The following CLSTN2 variants were observed in gnomAD, a reference collection of about 807,000 sequenced individuals.
CLSTN2 encodes the protein calsyntenin-2.
CLSTN2 carries 48 observed loss-of-function variants against 101.2 expected under a neutral mutation model. The ratio of observed to expected loss-of-function variants is 0.47; its 90% CI spans 0.38 to 0.60. The LOEUF (loss-of-function observed/expected upper bound fraction) is 0.60, where lower values mean the gene tolerates loss of function less well. CLSTN2 is among the 20% of genes least tolerant of loss of function. The probability of loss-of-function intolerance (pLI) is 0.00; values close to 1 mark genes in which losing one functional copy is unlikely to be tolerated. For missense variants in CLSTN2, 1,160 were observed against 1,238.2 expected (o/e 0.94, Z 0.95); for synonymous variants, 481 against 463.6 (o/e 1.04, Z -0.48).
chr3:140,427,984 C>T (rs1055857350), intron 5 of CLSTN2, among the ~76,000 whole-genome samples: 8 of 152,120 alleles, frequency 5.3e-5, no homozygotes, highest in African/African-American at 1.9e-4. Context: ...TTGTGGACCA[C>T]AGCACTGCAG....
chr3:140,321,011 T>C (rs1176419371), intron 2 of CLSTN2, among the ~76,000 whole-genome samples: 1 of 152,154 alleles, frequency 6.6e-6, no homozygotes. Flanking sequence ...ATACAAAGGA[T>C]GTGCTGGGAG....
intron 2 of CLSTN2, among the ~76,000 whole-genome samples, chr3:140,229,844 C>T (rs1005448417): frequency 7.9e-5 from 12 of 152,192 alleles, no homozygotes; most frequent in African/African-American, 2.4e-4. Context: ...AGGTTCCTTC[C>T]TGCCCTAAGG....
intron 2 of CLSTN2, among the ~76,000 whole-genome samples, chr3:140,353,921 C>T (rs1242698363): frequency 6.6e-6 from 1 of 152,180 alleles, no homozygotes; most frequent in East Asian, 1.9e-4. Flanking sequence ...GCTGAGGTCA[C>T]ATCAGACCAT....
intron 9 of CLSTN2, among the ~76,000 whole-genome samples, chr3:140,542,707 G>A (rs1028625092): frequency 2.0e-5 from 3 of 152,118 alleles, no homozygotes; most frequent in African/African-American, 7.2e-5. Flanking sequence ...TGATATTCTT[G>A]AGTCAAAAAT....
intron 1 of CLSTN2, among the ~76,000 whole-genome samples, chr3:140,070,720 G>A (rs889302960): frequency 6.6e-6 from 1 of 152,114 alleles, no homozygotes; most frequent in Non-Finnish European, 1.5e-5. Flanking sequence ...TTTCCAAAAT[G>A]ATACTATGGC....
intron 9 of CLSTN2, among the ~76,000 whole-genome samples, chr3:140,543,760 A>G (rs2107785414): frequency 6.6e-6 from 1 of 152,356 alleles, no homozygotes; most frequent in South Asian, 2.1e-4. Context: ...AAACTTTCAG[A>G]AGAGAAAAAA....
At chr3:139,943,742 T>C (rs889677125) in intron 1 of CLSTN2, among the ~76,000 whole-genome samples, 16 of 152,178 alleles carry the variant, frequency 1.1e-4, no homozygotes, top group Non-Finnish European at 1.6e-4. Flanking sequence ...CGTCTCAGTT[T>C]TAGGGTGGGT....
intron 2 of CLSTN2, among the ~76,000 whole-genome samples, chr3:140,198,829 G>T (rs2010682217): frequency 6.6e-6 from 1 of 152,136 alleles, no homozygotes; most frequent in Admixed American, 6.5e-5. Flanking sequence ...TAGCCTGTGG[G>T]TTGTGGCCTG....
intron 5 of CLSTN2, among the ~76,000 whole-genome samples, chr3:140,433,899 A>G (rs952868447): frequency 6.6e-6 from 1 of 152,100 alleles, no homozygotes; most frequent in African/African-American, 2.4e-5. Context: ...CTCAGCCTCA[A>G]TTGTCTCCAT....
At chr3:139,984,072 C>A (rs115805144) in intron 1 of CLSTN2, among the ~76,000 whole-genome samples, 437 of 152,248 alleles carry the variant, frequency 2.9e-3, no homozygotes, top group African/African-American at 0.01. Flanking sequence ...CTTTAATCAG[C>A]TAAGCAATGG....
At chr3:140,431,408 G>A (rs1366378119) in intron 5 of CLSTN2, among the ~76,000 whole-genome samples, 1 of 152,132 alleles carries the variant, frequency 6.6e-6, no homozygotes, top group East Asian at 1.9e-4. Context: ...AGGGCAGGAA[G>A]ACTCTACCTT....
rs532388197 is a variant in CLSTN2, at chr3:140,143,486, T to G, written c.110-32465T>G. ...GCCTGTCCACATTGTTGAGAGCAGATTTTCTTTATTCAGTATACTGATTCA... is the reference window on the plus strand; with the variant it reads ...GCCTGTCCACATTGTTGAGAGCAGAGTTTCTTTATTCAGTATACTGATTCA... On this transcript the variant is annotated intron_variant, in intron 1 of 16. Coordinates refer to ENST00000458420, the MANE Select transcript of CLSTN2 (RefSeq NM_022131.3). Among the ~76,000 whole-genome samples, 5 of 152,284 alleles carry G rather than the reference T, an allele frequency of 3.3e-5. No homozygotes were observed. In the East Asian group the frequency reaches 9.6e-4, roughly 29 times the overall value.
At chr3:140,125,611 T>A (rs4683805) in intron 1 of CLSTN2, among the ~76,000 whole-genome samples, 1 of 151,806 alleles carries the variant, frequency 6.6e-6, no homozygotes, top group Non-Finnish European at 1.5e-5. Flanking sequence ...AGGTGTGAAC[T>A]AATCACATGG....
chr3:140,057,057 C>T (rs2008111069), intron 1 of CLSTN2, among the ~76,000 whole-genome samples: 1 of 152,196 alleles, frequency 6.6e-6, no homozygotes, highest in South Asian at 2.1e-4. Context: ...GGGATTTTCC[C>T]TGGACATACT....
intron 2 of CLSTN2, among the ~76,000 whole-genome samples, chr3:140,362,495 G>A (rs1274812517): frequency 6.6e-6 from 1 of 151,966 alleles, no homozygotes; most frequent in Non-Finnish European, 1.5e-5. Context: ...TGCTTCAAAA[G>A]ACATTAAGAG....
chr3:140,427,609 G>A (rs1201576126), intron 5 of CLSTN2, among the ~76,000 whole-genome samples: 3 of 151,958 alleles, frequency 2.0e-5, no homozygotes, highest in Non-Finnish European at 4.4e-5. Context: ...CTTGGGCATG[G>A]ATCTCATTAC....
At chr3:140,343,800 G>A (rs901111742) in intron 2 of CLSTN2, among the ~76,000 whole-genome samples, 5 of 152,158 alleles carry the variant, frequency 3.3e-5, no homozygotes, top group Non-Finnish European at 7.3e-5. Flanking sequence ...CAAAAATTTT[G>A]CTTATGAATG....
intron 1 of CLSTN2, among the ~76,000 whole-genome samples, chr3:140,150,928 G>A (rs2009854843): frequency 6.6e-6 from 1 of 151,996 alleles, no homozygotes; most frequent in African/African-American, 2.4e-5. Context: ...AAAGCAACAG[G>A]AAAGTCAAAA....
intron 2 of CLSTN2, among the ~76,000 whole-genome samples, chr3:140,238,777 G>T (rs545258575): frequency 2.0e-5 from 3 of 152,258 alleles, no homozygotes; most frequent in South Asian, 2.1e-4. Flanking sequence ...TGAGTTAGTG[G>T]TGATTAAAAA....
Sources: allele counts gnomAD v4.1 joint callset (sites outside exome capture counted in the v4.1 genomes callset), GRCh38; gene constraint gnomAD v4.1.1; transcripts MANE v1.5; gene names NCBI Gene and HGNC (gene_info 2026-07-23, HGNC 2026-07-21).